Variants in BPNT1 observed in about 807,000 individuals in gnomAD.
The protein encoded by BPNT1 is 3'(2'),5'-bisphosphate nucleotidase 1.
Under a neutral mutation model 36.9 loss-of-function variants are expected in BPNT1, and 28 were observed. The observed-to-expected ratio is 0.76, with a 90% CI of 0.56 to 1.04. The LOEUF is 1.04. Ranked by LOEUF, BPNT1 falls within the 50% of genes least tolerant of loss-of-function variation. BPNT1 has a pLI of 0.00. For synonymous variants in BPNT1, 119 were observed against 130.9 expected, an observed-to-expected ratio of 0.91 and a Z score of 0.62; for missense variants, 313 against 372.9, an observed-to-expected ratio of 0.84 and a Z score of 1.32.
chr1:220,086,933 A>T (rs1483693739), intron 1 of BPNT1, among the ~76,000 whole-genome samples: 1 of 149,396 alleles, frequency 6.7e-6, no homozygotes. Context: ...TGTAACCCCA[A>T]CTTCTTGGGA....
intron 6 of BPNT1, 143 bp downstream of exon 6, chr1:220,067,159 A>C: frequency 4.0e-6 from 1 of 253,138 alleles, no homozygotes; most frequent in African/African-American, 2.3e-5. Flanking sequence ...TAAATAAATA[A>C]ATAAAATTTA....
intron 1 of BPNT1, among the ~76,000 whole-genome samples, chr1:220,085,460 A>G (rs77962273): frequency 0.071 from 10,886 of 152,268 alleles, 519 homozygotes; most frequent in South Asian, 0.15. Context: ...CTGTGCCCCA[A>G]TCTGTAAAAT....
At chr1:220,078,899 G>C (rs1036788377) in intron 2 of BPNT1, among the ~76,000 whole-genome samples, 1 of 152,012 alleles carries the variant, frequency 6.6e-6, no homozygotes, top group Admixed American at 6.6e-5. Context: ...CCGGTCAGAA[G>C]ATTGTGCTTT....
chr1:220,088,576 G>C (rs1571828512), intron 1 of BPNT1, among the ~76,000 whole-genome samples: 1 of 151,376 alleles, frequency 6.6e-6, no homozygotes, highest in African/African-American at 2.4e-5. Context: ...TATTGCTTGA[G>C]CTCAGGAGTT....
chr1:220,065,815 T>C (rs965523333), intron 6 of BPNT1, among the ~76,000 whole-genome samples: 8 of 152,366 alleles, frequency 5.3e-5, no homozygotes, highest in African/African-American at 1.9e-4. Context: ...ATCTTTAGCC[T>C]GAATACCACC....
chr1:220,059,721 G>A lies in BPNT1; in HGVS notation c.743C>T (p.Thr248Ile). Residue 248 changes from threonine to isoleucine, a missense_variant, in exon 8 of 9, where the codon ACT becomes ATT. Coordinates refer to ENST00000322067, the MANE Select transcript of BPNT1 (RefSeq NM_006085.6). ...FASPGCKKWD[T>I]CAPEVILHAV... ...ATGTAAAATAACTTCTGGAGCACAA[G>A]TATCCCACTTCTTACAACCAGGACT... 6.2e-7 allele frequency: 1 copy of A among 1,611,218 alleles called. No individual in the cohort carries two copies. The highest frequency in any genetic ancestry group is 8.5e-7 in the Non-Finnish European group (1 of 1,179,118).
At chr1:220,075,922 C>T (rs57463200) in intron 2 of BPNT1, among the ~76,000 whole-genome samples, 8,567 of 152,108 alleles carry the variant, frequency 0.056, 278 homozygotes, top group East Asian at 0.11. Context: ...ATAACCTCAA[C>T]ATAAGATCAA....
chr1:220,058,671 A>T lies in BPNT1; in HGVS notation c.*173T>A, dbSNP rs562956835. 1 of 754,782 alleles carries T rather than the reference A, an allele frequency of 1.3e-6. No homozygotes were observed. Among genetic ancestry groups the T allele is most frequent in the East Asian group, 3.3e-5 (1 of 30,432 alleles). 46.8% of individuals were successfully genotyped at this position (754,782 alleles called of 1,614,324 possible). ...TTCAGCCTCTCAAGTAGCTGGGATGACAGGCGCATGACAGGATGCCCAGTT... is the reference window on the plus strand; with the variant it reads ...TTCAGCCTCTCAAGTAGCTGGGATGTCAGGCGCATGACAGGATGCCCAGTT... On this transcript the variant is annotated 3_prime_UTR_variant, in exon 9 of 9. Transcript: ENST00000322067.
At chr1:220,067,500 C>A in intron 5 of BPNT1, 107 bp from the exon 6 acceptor site, 1 of 648,854 alleles carries the variant, frequency 1.5e-6, no homozygotes, top group Admixed American at 2.8e-5. Context: ...ATGGAATTTG[C>A]AATGATTCAT....
At position 220,062,865 on chromosome 1, in the gene BPNT1, C is replaced by T; in HGVS notation, c.564G>A (p.Gly188=). 1 of 1,614,124 alleles carries T rather than the reference C, an allele frequency of 6.2e-7. No individual in the cohort carries two copies. The highest frequency in any genetic ancestry group is 8.5e-7 in the Non-Finnish European group (1 of 1,180,026). ...ATCGAGTAGTTGTGATAATGTGTTT[C>T]CCAGCAGGGACTTCTTTCAGCTGAA... ...FGFQLKEVPA[G]KHIITTTRSH... is the part of the protein sequence containing the mutation. The change falls in exon 7 of 9, where the codon GGG becomes GGA. Residue 188 remains glycine (G), a synonymous_variant. Transcript: ENST00000322067.
chr1:220,067,548 A>G (rs1164884798), intron 5 of BPNT1, among the ~76,000 whole-genome samples, 155 bp from the exon 6 acceptor site: 3 of 152,212 alleles, frequency 2.0e-5, no homozygotes, highest in Non-Finnish European at 4.4e-5. Flanking sequence ...GGCATAAATG[A>G]TAAGCTGGCC....
intron 6 of BPNT1, among the ~76,000 whole-genome samples, chr1:220,065,778 G>A (rs1220432183): frequency 6.6e-6 from 1 of 152,156 alleles, no homozygotes; most frequent in Non-Finnish European, 1.5e-5. Flanking sequence ...AGCTATTATG[G>A]TGATGATGAT....
chr1:220,063,855 G>C (rs1198228978), intron 6 of BPNT1, among the ~76,000 whole-genome samples: 1 of 151,942 alleles, frequency 6.6e-6, no homozygotes. Flanking sequence ...TTCCTTTGCA[G>C]AACTCAATTT....
intron 6 of BPNT1, 131 bp from the exon 7 acceptor site, chr1:220,063,085 A>G: frequency 1.1e-6 from 1 of 941,670 alleles, no homozygotes; most frequent in Admixed American, 2.2e-5. Context: ...GCGGTGGCTC[A>G]TGCCTGTAAT....
At chr1:220,068,600 C>T (rs1406420260) in intron 5 of BPNT1, among the ~76,000 whole-genome samples, 1 of 151,908 alleles carries the variant, frequency 6.6e-6, no homozygotes, top group East Asian at 2.0e-4. Flanking sequence ...CACCTGAGGT[C>T]AGGAGTTCAA....
At chr1:220,087,200 C>A (rs1655819451) in intron 1 of BPNT1, among the ~76,000 whole-genome samples, 1 of 152,028 alleles carries the variant, frequency 6.6e-6, no homozygotes, top group Non-Finnish European at 1.5e-5. Flanking sequence ...ACTTCATAAG[C>A]TTGGTAAATG....
In BPNT1 at chr1:220,058,325, C is replaced by T. The variant is rs966193655; in HGVS notation, c.*519G>A. On this transcript the variant is annotated 3_prime_UTR_variant, in exon 9 of 9. Coordinates refer to ENST00000322067, the MANE Select transcript of BPNT1 (RefSeq NM_006085.6). ...ATATTGAGTTTATAAGTTCTCCAGA[C>T]GTCAAAATTGGTCTGGTTGATTAAT... is the stretch of plus-strand genomic sequence containing the variant. The T allele has an allele frequency of 2.3e-5, 23 of 987,472 alleles. No homozygotes were observed. Among genetic ancestry groups the T allele is most frequent in the Admixed American group, 1.8e-4 (3 of 16,680 alleles). 61.2% of individuals were successfully genotyped at this position (987,472 alleles called of 1,614,324 possible).
intron 1 of BPNT1, among the ~76,000 whole-genome samples, chr1:220,087,366 C>G (rs1285313580): frequency 6.6e-6 from 1 of 151,984 alleles, no homozygotes. Flanking sequence ...ACCAGCCTGA[C>G]CAACTTGGTG....
chr1:220,082,789 G>T (rs1655316345), intron 1 of BPNT1, among the ~76,000 whole-genome samples: 1 of 151,972 alleles, frequency 6.6e-6, no homozygotes, highest in Non-Finnish European at 1.5e-5. Context: ...GATTCACCAT[G>T]TTGGCCAGGC....
Sources: allele counts gnomAD v4.1 joint callset (sites outside exome capture counted in the v4.1 genomes callset), GRCh38; gene constraint gnomAD v4.1.1; transcripts MANE v1.5; gene names NCBI Gene and HGNC (gene_info 2026-07-23, HGNC 2026-07-21).